ATXN1: variants seen among roughly 807,000 people sequenced by gnomAD.
ATXN1 encodes ataxin-1.
ATXN1 carries 8 observed loss-of-function variants against 56.4 expected under a neutral mutation model. The observed-to-expected ratio is 0.14, with a 90% CI of 0.08 to 0.26. ATXN1 has a LOEUF of 0.26. Ranked by LOEUF, ATXN1 falls within the 10% of genes least tolerant of loss-of-function variation. The pLI, the probability that ATXN1 is intolerant of heterozygous loss-of-function variation, is 1.00. For missense variants in ATXN1, 987 were observed against 1,106.5 expected (o/e 0.89, Z 1.53); for synonymous variants, 514 against 494.6 (o/e 1.04, Z -0.52).
rs756383403 is a variant in ATXN1, at chr6:16,326,921, A to G, written c.1390T>C (p.Tyr464His). The G allele has an allele frequency of 6.2e-7, 1 of 1,613,746 alleles. No individual in the cohort carries two copies. The highest frequency in any genetic ancestry group is 1.7e-5 in the Admixed American group (1 of 60,010). ...YAGTQPPVIG[Y>H]LSGQQQAITY... Reference sequence around the variant, plus strand: ...ATTGCTTGCTGCTGGCCGCTCAGGTAGCCGATGACAGGGGGTTGAGTCCCT... The same window carrying G: ...ATTGCTTGCTGCTGGCCGCTCAGGTGGCCGATGACAGGGGGTTGAGTCCCT... The change falls in exon 7 of 8, where the codon TAC becomes CAC. Residue 464 changes from tyrosine (Y) to histidine (H), a missense_variant. Transcript: ENST00000436367. The surrounding 1 kb of genome is among the most constrained non-coding windows in gnomAD (Gnocchi z 6.6).
chr6:16,397,661 GCA>G, intron 6 of ATXN1, among the ~76,000 whole-genome samples: 1 of 152,192 alleles, frequency 6.6e-6, no homozygotes, highest in Non-Finnish European at 1.5e-5. Flanking sequence ...GATTACATGT[GCA>G]GGTACATACC....
intron 4 of ATXN1, among the ~76,000 whole-genome samples, chr6:16,565,892 A>G (rs1284802394): frequency 6.6e-6 from 1 of 152,204 alleles, no homozygotes; most frequent in African/African-American, 2.4e-5. Context: ...TACTGAGGAA[A>G]GCACATCCGG....
At chr6:16,740,661 C>T (rs1417572809) in intron 2 of ATXN1, among the ~76,000 whole-genome samples, 4 of 152,108 alleles carry the variant, frequency 2.6e-5, no homozygotes, top group Admixed American at 6.5e-5. Context: ...GTTTAGGCTC[C>T]GGCACTATAA....
At chr6:16,638,871 C>T (rs557991078) in intron 3 of ATXN1, among the ~76,000 whole-genome samples, 5 of 152,232 alleles carry the variant, frequency 3.3e-5, no homozygotes, top group African/African-American at 9.6e-5. Context: ...GCAAGTAGCC[C>T]AGATTAATAT....
At chr6:16,633,437 CCAT>C (rs1763540645) in intron 3 of ATXN1, among the ~76,000 whole-genome samples, 1 of 152,270 alleles carries the variant, frequency 6.6e-6, no homozygotes, top group South Asian at 2.1e-4. Flanking sequence ...ACCACACGAC[CCAT>C]ATGAGTCCTC....
intron 3 of ATXN1, among the ~76,000 whole-genome samples, chr6:16,654,645 G>A (rs1213034260): frequency 6.6e-6 from 1 of 151,726 alleles, no homozygotes; most frequent in Non-Finnish European, 1.5e-5. Context: ...GATTTGTGGT[G>A]AGGCAGAACT....
At chr6:16,739,950 T>A (rs992643457) in intron 2 of ATXN1, 1 of 449,442 alleles carries the variant, frequency 2.2e-6, no homozygotes, top group East Asian at 7.1e-5. Flanking sequence ...AGCTACTCCA[T>A]CACCAAGCAA....
At position 16,326,829 on chromosome 6, in the gene ATXN1, G is replaced by A. The variant is rs1229221844; in HGVS notation, c.1482C>T (p.Val494=). The A allele has an allele frequency of 2.2e-5, 35 of 1,607,398 alleles. No individual in the cohort carries two copies. The highest frequency in any genetic ancestry group is 3.3e-5 in the Admixed American group (2 of 59,858). The change falls in exon 7 of 8, where the codon GTC becomes GTT. Residue 494 remains valine (V), a synonymous_variant. Coordinates refer to ENST00000436367, the MANE Select transcript of ATXN1 (RefSeq NM_001128164.2). This position sits in a 1 kb window ranked among gnomAD's most constrained non-coding sequence, Gnocchi z 6.6. Reference sequence around the variant, plus strand: ...CCGACGCTTCCATGTCAGTGCTGCCGACCGGGATGAGCAGGGGCTGTGTGC... The same window carrying A: ...CCGACGCTTCCATGTCAGTGCTGCCAACCGGGATGAGCAGGGGCTGTGTGC... ...IPGTQPLLIP[V]GSTDMEASGA...
At chr6:16,446,711 ATGT>A (rs1245356526) in intron 6 of ATXN1, among the ~76,000 whole-genome samples, 1 of 152,182 alleles carries the variant, frequency 6.6e-6, no homozygotes, top group African/African-American at 2.4e-5. Flanking sequence ...TATTCTTCAC[ATGT>A]TGTTGTTTCA....
chr6:16,548,173 A>G (rs1325691374), intron 4 of ATXN1, among the ~76,000 whole-genome samples: 1 of 152,236 alleles, frequency 6.6e-6, no homozygotes, highest in African/African-American at 2.4e-5. Context: ...TTACAATGGT[A>G]AGTATTTGTG....
intron 6 of ATXN1, among the ~76,000 whole-genome samples, chr6:16,394,864 T>G (rs1057345901): frequency 2.0e-5 from 3 of 152,180 alleles, no homozygotes; most frequent in African/African-American, 7.2e-5. Context: ...CTGAACTTGC[T>G]AATTCATGGT....
intron 6 of ATXN1, among the ~76,000 whole-genome samples, chr6:16,473,833 C>T (rs1760270012): frequency 6.6e-6 from 1 of 152,172 alleles, no homozygotes. Context: ...CAGCTTTGAG[C>T]CACCTCTCAG....
intron 4 of ATXN1, among the ~76,000 whole-genome samples, chr6:16,543,006 T>C (rs1054419453): frequency 1.3e-5 from 2 of 149,022 alleles, no homozygotes; most frequent in Non-Finnish European, 3.0e-5. Flanking sequence ...ACACCGAAGA[T>C]GGGGGGTGGG....
chr6:16,496,407 TTC>T (rs1330737557), intron 5 of ATXN1, among the ~76,000 whole-genome samples: 1 of 152,196 alleles, frequency 6.6e-6, no homozygotes, highest in Non-Finnish European at 1.5e-5. Flanking sequence ...CAATTATTCT[TTC>T]TTTCTATGAA....
intron 2 of ATXN1, among the ~76,000 whole-genome samples, chr6:16,733,319 G>C (rs548695001): frequency 3.9e-5 from 6 of 152,226 alleles, no homozygotes; most frequent in Non-Finnish European, 7.3e-5. Flanking sequence ...CCAACACTTT[G>C]GGAGGCCGAG....
intron 2 of ATXN1, among the ~76,000 whole-genome samples, chr6:16,705,345 G>A (rs1759384405): frequency 6.6e-6 from 1 of 152,140 alleles, no homozygotes; most frequent in South Asian, 2.1e-4. Flanking sequence ...CTGAATGATG[G>A]AGCAGAATAA....
chr6:16,683,000 TCA>T (rs983435853), intron 2 of ATXN1, among the ~76,000 whole-genome samples: 1 of 152,200 alleles, frequency 6.6e-6, no homozygotes, highest in Admixed American at 6.5e-5. Context: ...GAAACCTGGC[TCA>T]CAGTTGCTCT....
At chr6:16,462,323 C>A (rs1013291026) in intron 6 of ATXN1, among the ~76,000 whole-genome samples, 1 of 152,154 alleles carries the variant, frequency 6.6e-6, no homozygotes, top group Non-Finnish European at 1.5e-5. Flanking sequence ...CCAAGATCAG[C>A]CAGACCAGCC....
chr6:16,660,204 T>A (rs1758287477), intron 2 of ATXN1, among the ~76,000 whole-genome samples: 1 of 152,240 alleles, frequency 6.6e-6, no homozygotes, highest in Admixed American at 6.5e-5. Flanking sequence ...CAAAACAAAC[T>A]GGCTTGGGTT....
Sources: allele counts gnomAD v4.1 joint callset (sites outside exome capture counted in the v4.1 genomes callset), GRCh38; gene constraint gnomAD v4.1.1; non-coding constraint Gnocchi (gnomAD v3.1); transcripts MANE v1.5; gene names NCBI Gene and HGNC (gene_info 2026-07-23, HGNC 2026-07-21).